BMP1: variants seen among roughly 807,000 people sequenced by gnomAD.
BMP1 encodes bone morphogenetic protein 1.
In BMP1, 63 loss-of-function variants were observed where a neutral mutation model predicts 116.8. The observed-to-expected ratio is 0.54, with a 90% CI of 0.44 to 0.67. BMP1 has a LOEUF of 0.67. Among genes scored for constraint, BMP1 ranks in the 30% least tolerant of loss-of-function variants. BMP1 has a pLI of 0.00. For missense variants in BMP1, 1,183 were observed against 1,358.9 expected (o/e 0.87, Z 2.04); for synonymous variants, 536 against 533.4 (o/e 1.00, Z -0.07).
At position 22,180,427 on chromosome 8, in the gene BMP1, G is replaced by A; in HGVS notation, c.1021G>A (p.Gly341Ser). 6.2e-7 allele frequency: 1 copy of A among 1,614,084 alleles called. No homozygotes were observed. Among genetic ancestry groups the A allele is most frequent in the Non-Finnish European group, 8.5e-7 (1 of 1,179,968 alleles). Reference protein sequence around the residue: ...GNFSSPEYPNGYSAHMHCVWR... With the variant: ...GNFSSPEYPNSYSAHMHCVWR... ...CTTCTCCTCCCCTGAATACCCCAAT[G>A]GCTACTCTGCTCACATGCACTGCGT... Residue 341 changes from glycine to serine, a missense_variant, in exon 8 of 20, where the codon GGC (glycine) becomes AGC (serine). Transcript: ENST00000306385.
At chr8:22,202,858 A>G (rs1449274739) in intron 16 of BMP1, among the ~76,000 whole-genome samples, 1 of 152,042 alleles carries the variant, frequency 6.6e-6, no homozygotes, top group East Asian at 1.9e-4. Flanking sequence ...TAAATACAAA[A>G]AATTAGCTGG....
At chr8:22,168,074 G>T (rs1271400017) in intron 1 of BMP1, among the ~76,000 whole-genome samples, 2 of 152,156 alleles carry the variant, frequency 1.3e-5, no homozygotes, top group African/African-American at 4.8e-5. Flanking sequence ...TTGCTCTGAG[G>T]GTAGCCACGC....
Position 22,210,468 on chromosome 8 carries a change from T to TCTCTCTCACACACA in BMP1, c.2826+774_2826+775insTCTCTCACACACAC, listed in dbSNP as rs10664439. ...TTCCCTCTCTCTCTCTCTCTCTCTC[T>TCTCTCTCACACACA]CACACACATACACACACACTGGCAC... On this transcript the variant is annotated intron_variant, in intron 19 of 19. Transcript: ENST00000306385. Among the ~76,000 whole-genome samples the TCTCTCTCACACACA allele has an allele frequency of 4.8e-3, 647 of 135,492 alleles. 9 individuals carry two copies. The highest frequency in any genetic ancestry group is 0.013 in the African/African-American group (438 of 33,796). The allele number at this position is 135,492 out of a possible 152,430, so 88.9% of individuals were successfully genotyped here. A position where few individuals can be genotyped will look rare whatever the true frequency, so the allele number is the denominator to read the frequency against.
intron 1 of BMP1, among the ~76,000 whole-genome samples, chr8:22,166,649 C>G (rs4348488): frequency 0.79 from 120,423 of 152,234 alleles, 47,861 homozygotes; most frequent in Middle Eastern, 0.85. Context: ...TGTGGGGCAC[C>G]AGGGGCGGAG....
chr8:22,198,804 T>C, intron 15 of BMP1: 1 of 420,478 alleles, frequency 2.4e-6, no homozygotes, highest in South Asian at 3.5e-5. Flanking sequence ...GCCACCCTGC[T>C]CTGCTTACAG....
At position 22,194,597 on chromosome 8, in the gene BMP1, C is replaced by A; in HGVS notation, c.1443+7C>A. Reference sequence around the variant, plus strand: ...CACATTCCAGTCCTTTGAGGTAGGTCAGTGGCCCTGTGATCTGACCTTTGA... The same window carrying A: ...CACATTCCAGTCCTTTGAGGTAGGTAAGTGGCCCTGTGATCTGACCTTTGA... On this transcript the variant is annotated splice_region_variant and intron_variant, in intron 11 of 19. Coordinates refer to ENST00000306385, the MANE Select transcript of BMP1 (RefSeq NM_006129.5). The surrounding 1 kb of genome is among the most constrained non-coding windows in gnomAD (Gnocchi z 4.5). 6.2e-7 allele frequency: 1 copy of A among 1,613,906 alleles called. No individual in the cohort carries two copies. The highest frequency in any genetic ancestry group is 8.5e-7 in the Non-Finnish European group (1 of 1,179,842).
At chr8:22,193,992 G>C (rs534573690) in intron 9 of BMP1, 66 bp from the exon 10 acceptor site, 1 of 1,324,918 alleles carries the variant, frequency 7.5e-7, no homozygotes, top group African/African-American at 1.5e-5. Flanking sequence ...GCCTCCTGGA[G>C]AGGTGGGGCC....
At chr8:22,166,406 C>G (rs1197330448) in intron 1 of BMP1, among the ~76,000 whole-genome samples, 5 of 152,060 alleles carry the variant, frequency 3.3e-5, no homozygotes, top group Non-Finnish European at 7.4e-5. Flanking sequence ...TCTGAAGACT[C>G]TATGTAACCC....
At position 22,176,605 on chromosome 8, in the gene BMP1, G is replaced by A. The variant is rs745868095; in HGVS notation, c.506G>A (p.Arg169His). ...EKHTCVTFLE[R>H]TDEDSYIVFT... ...CACACCTGTGTCACCTTCCTGGAGC[G>A]CACTGACGAGGACAGCTATATTGTG... is the stretch of plus-strand genomic sequence containing the variant. Residue 169 changes from arginine (R) to histidine (H), a missense_variant, in exon 4 of 20, where the codon CGC becomes CAC. Arg to His is a conservative substitution (Grantham distance 29). This residue lies in a region of BMP1 where 956 missense variants were observed against 1,135.2 expected (regional missense o/e 0.84). Transcript: ENST00000306385. 1.2e-6 allele frequency: 2 copies of A among 1,614,184 alleles called. No homozygotes were observed. Among genetic ancestry groups the A allele is most frequent in the Admixed American group, 1.7e-5 (1 of 60,028 alleles).
At position 22,194,810 on chromosome 8, in the gene BMP1, T is replaced by G. The variant is rs773299442; in HGVS notation, c.1530T>G (p.Cys510Trp). The G allele has an allele frequency of 6.2e-6, 10 of 1,613,830 alleles. No homozygotes were observed. Among genetic ancestry groups the G allele is most frequent in the Non-Finnish European group, 8.5e-6 (10 of 1,179,902 alleles). Residue 510 changes from cysteine to tryptophan, a missense_variant, in exon 12 of 20, where the codon TGT (cysteine) becomes TGG (tryptophan). Transcript: ENST00000306385. The surrounding 1 kb of genome is among the most constrained non-coding windows in gnomAD (Gnocchi z 4.5). The stretch of plus-strand genomic sequence containing the variant: ...GCAGCACCCTCATCGGGCGCTACTG[T>G]GGCTATGAGAAGCCTGATGACATCA... Reference protein sequence around the residue: ...SESSTLIGRYCGYEKPDDIKS... With the variant: ...SESSTLIGRYWGYEKPDDIKS...
intron 2 of BMP1, among the ~76,000 whole-genome samples, chr8:22,174,028 G>A (rs796747111): frequency 6.6e-5 from 10 of 152,306 alleles, no homozygotes; most frequent in African/African-American, 2.4e-4. Flanking sequence ...TGTTTTACAA[G>A]TACAGAAACT....
intron 8 of BMP1, among the ~76,000 whole-genome samples, chr8:22,188,952 G>A (rs746969172): frequency 5.9e-5 from 9 of 152,230 alleles, no homozygotes; most frequent in African/African-American, 1.4e-4. Context: ...GGTGGAGGGT[G>A]TGAGTCAGGA....
chr8:22,175,835 G>A (rs1006668622), intron 2 of BMP1, among the ~76,000 whole-genome samples: 1 of 152,076 alleles, frequency 6.6e-6, no homozygotes, highest in Non-Finnish European at 1.5e-5. Context: ...AAAAAACAGG[G>A]CACTTTAACT....
Position 22,176,224 on chromosome 8 carries a change from G to T in BMP1, c.344G>T (p.Arg115Ile). 1 of 1,614,108 alleles carries T rather than the reference G, an allele frequency of 6.2e-7. No homozygotes were observed. The highest frequency in any genetic ancestry group is 8.5e-7 in the Non-Finnish European group (1 of 1,180,000). ...QRGACGRWRG[R>I]SRSRRAATSR... Reference sequence around the variant, plus strand: ...GGAGCCTGTGGGAGATGGAGAGGTAGATCCCGTAGCCGGCGGGCGGCGACG... The same window carrying T: ...GGAGCCTGTGGGAGATGGAGAGGTATATCCCGTAGCCGGCGGGCGGCGACG... Residue 115 changes from arginine (R) to isoleucine (I), a missense_variant, in exon 3 of 20, where the codon AGA becomes ATA. This residue lies in a region of BMP1 where 185 missense variants were observed against 158.9 expected (regional missense o/e 1.16). Transcript: ENST00000306385.
intron 9 of BMP1, 76 bp downstream of exon 9, chr8:22,192,227 C>A: frequency 1.5e-6 from 2 of 1,305,332 alleles, no homozygotes; most frequent in Non-Finnish European, 2.2e-6. Flanking sequence ...CTCTTCATCC[C>A]CCTCCAGGGC....
At chr8:22,165,638 G>T (rs1030606260) in intron 1 of BMP1, 85 bp downstream of exon 1, 3 of 1,391,440 alleles carry the variant, frequency 2.2e-6, no homozygotes, top group African/African-American at 3.1e-5. Flanking sequence ...GGACAGTCCA[G>T]TGTGGGAAGC....
intron 1 of BMP1, among the ~76,000 whole-genome samples, chr8:22,172,032 T>C (rs962980088): frequency 8.5e-5 from 13 of 152,142 alleles, no homozygotes; most frequent in African/African-American, 3.1e-4. Context: ...AACACTAACC[T>C]TGGGTGTCTG....
At chr8:22,174,321 A>G (rs1434331587) in intron 2 of BMP1, among the ~76,000 whole-genome samples, 3 of 152,146 alleles carry the variant, frequency 2.0e-5, no homozygotes, top group African/African-American at 4.8e-5. Flanking sequence ...CCTGTCATTT[A>G]TCACACCATA....
chr8:22,201,624 G>C, intron 15 of BMP1, 179 bp from the exon 16 acceptor site: 1 of 1,359,036 alleles, frequency 7.4e-7, no homozygotes, highest in Non-Finnish European at 9.7e-7. Context: ...TGGATGCAGT[G>C]CCCCTTTGGA....
Sources: allele counts gnomAD v4.1 joint callset (sites outside exome capture counted in the v4.1 genomes callset), GRCh38; gene constraint gnomAD v4.1.1; regional missense constraint gnomAD v4.1.1; non-coding constraint Gnocchi (gnomAD v3.1); transcripts MANE v1.5; gene names NCBI Gene and HGNC (gene_info 2026-07-23, HGNC 2026-07-21).